The following CNTN5 variants were observed in gnomAD, a reference collection of about 807,000 sequenced individuals.
CNTN5 encodes the protein contactin-5.
CNTN5 carries 77 observed loss-of-function variants against 129.1 expected under a neutral mutation model. The ratio of observed to expected loss-of-function variants is 0.60; its 90% confidence interval spans 0.50 to 0.72. The LOEUF (loss-of-function observed/expected upper bound fraction) is 0.72. Among genes scored for constraint, CNTN5 ranks in the 30% least tolerant of loss-of-function variants. The pLI is 0.00. For missense variants in CNTN5, 1,478 were observed against 1,328.8 expected (o/e 1.11, Z -1.75); for synonymous variants, 509 against 465.6 (o/e 1.09, Z -1.20).
chr11:99,830,516 CTT>C (rs947903476), intron 4 of CNTN5, among the ~76,000 whole-genome samples: 1 of 152,080 alleles, frequency 6.6e-6, no homozygotes, highest in African/African-American at 2.4e-5. Context: ...TCAAAATACT[CTT>C]TGCTGATAAA....
intron 7 of CNTN5, among the ~76,000 whole-genome samples, chr11:99,938,099 A>G (rs57785920): frequency 0.12 from 18,011 of 152,152 alleles, 2,499 homozygotes; most frequent in African/African-American, 0.34. Flanking sequence ...AAAATAAATC[A>G]AAAGGAATTT....
chr11:100,348,046 T>C (rs1310638350), intron 23 of CNTN5, among the ~76,000 whole-genome samples: 1 of 151,288 alleles, frequency 6.6e-6, no homozygotes, highest in Non-Finnish European at 1.5e-5. Flanking sequence ...CCCACTGCTC[T>C]CAGTTTTTTT....
intron 3 of CNTN5, among the ~76,000 whole-genome samples, chr11:99,667,800 G>A (rs2135936711): frequency 6.6e-6 from 1 of 152,192 alleles, no homozygotes; most frequent in Non-Finnish European, 1.5e-5. Flanking sequence ...GTTAGCGGGT[G>A]GCGAGTGAGG....
At chr11:99,950,922 A>G (rs1021300278) in intron 7 of CNTN5, among the ~76,000 whole-genome samples, 4 of 152,224 alleles carry the variant, frequency 2.6e-5, no homozygotes, top group African/African-American at 9.6e-5. Context: ...GACTCTAATC[A>G]GCTGTAATTT....
At chr11:100,103,706 T>C (rs925344104) in intron 13 of CNTN5, among the ~76,000 whole-genome samples, 2 of 152,164 alleles carry the variant, frequency 1.3e-5, no homozygotes, top group African/African-American at 2.4e-5. Flanking sequence ...GAATCTATTC[T>C]AATTACTTAA....
intron 13 of CNTN5, among the ~76,000 whole-genome samples, chr11:100,114,767 A>G (rs897780520): frequency 1.3e-5 from 2 of 152,056 alleles, no homozygotes; most frequent in African/African-American, 2.4e-5. Flanking sequence ...CTCAATTTAC[A>G]TGTCATCTCA....
chr11:99,547,007 T>TG, intron 2 of CNTN5, among the ~76,000 whole-genome samples: 1 of 150,008 alleles, frequency 6.7e-6, no homozygotes, highest in Non-Finnish European at 1.5e-5. Context: ...TATTTTCTTT[T>TG]TTTTTTTTTT....
At chr11:100,044,808 T>C (rs1942581335) in intron 9 of CNTN5, among the ~76,000 whole-genome samples, 2 of 152,136 alleles carry the variant, frequency 1.3e-5, no homozygotes, top group Admixed American at 1.3e-4. Context: ...TTATTTCATT[T>C]CGTTGATCTT....
chr11:100,345,842 T>C (rs576417996), intron 23 of CNTN5, among the ~76,000 whole-genome samples: 5 of 152,248 alleles, frequency 3.3e-5, no homozygotes, highest in African/African-American at 1.2e-4. Context: ...TTTCAAGATA[T>C]CATAGTTTTC....
chr11:99,165,083 G>T (rs887716196), intron 1 of CNTN5, among the ~76,000 whole-genome samples: 15 of 152,064 alleles, frequency 9.9e-5, no homozygotes, highest in Non-Finnish European at 4.4e-5. Context: ...TTATACCAGT[G>T]GTTTAATGAA....
intron 1 of CNTN5, among the ~76,000 whole-genome samples, chr11:99,108,469 AAG>A (rs1857625022): frequency 6.6e-6 from 1 of 152,166 alleles, no homozygotes; most frequent in African/African-American, 2.4e-5. Context: ...TCTGTAACAT[AAG>A]AGAGAGTTAT....
chr11:99,257,555 G>GA (rs201868552), intron 1 of CNTN5, among the ~76,000 whole-genome samples: 6 of 151,526 alleles, frequency 4.0e-5, no homozygotes, highest in Non-Finnish European at 5.9e-5. Context: ...TTTTTTTAAT[G>GA]AAAAAAAGGT....
intron 4 of CNTN5, among the ~76,000 whole-genome samples, chr11:99,838,722 A>G (rs1360639432): frequency 6.6e-6 from 1 of 152,176 alleles, no homozygotes; most frequent in East Asian, 1.9e-4. Context: ...CAAGCCAGGT[A>G]TTTCAGTTCC....
chr11:99,644,731 T>G (rs2135855518), intron 3 of CNTN5, among the ~76,000 whole-genome samples: 1 of 152,290 alleles, frequency 6.6e-6, no homozygotes, highest in Middle Eastern at 3.4e-3. Flanking sequence ...CACTACAAGT[T>G]ATTGATATAT....
chr11:99,307,319 C>A (rs1228430252), intron 1 of CNTN5, among the ~76,000 whole-genome samples: 1 of 151,880 alleles, frequency 6.6e-6, no homozygotes, highest in Admixed American at 6.6e-5. Flanking sequence ...GCTTTTCTTT[C>A]TATTCGTTGG....
At chr11:99,369,565 A>G (rs975727656) in intron 2 of CNTN5, among the ~76,000 whole-genome samples, 3 of 151,934 alleles carry the variant, frequency 2.0e-5, no homozygotes, top group African/African-American at 7.2e-5. Flanking sequence ...TGCCTAATAT[A>G]TTATAAATAT....
intron 24 of CNTN5, among the ~76,000 whole-genome samples, chr11:100,352,085 G>C (rs116080891): frequency 0.019 from 2,874 of 151,584 alleles, 93 homozygotes; most frequent in African/African-American, 0.064. Context: ...TTGTGTCATG[G>C]GGTTTTGTTG....
chr11:99,945,353 C>CAATG (rs1950530620), intron 7 of CNTN5, among the ~76,000 whole-genome samples: 1 of 151,850 alleles, frequency 6.6e-6, no homozygotes, highest in Non-Finnish European at 1.5e-5. Context: ...GTATGACTGT[C>CAATG]CTGCAAAGTC....
intron 13 of CNTN5, among the ~76,000 whole-genome samples, chr11:100,136,919 T>C (rs987339579): frequency 1.3e-5 from 2 of 151,956 alleles, no homozygotes; most frequent in Non-Finnish European, 2.9e-5. Context: ...GTGAACTCCA[T>C]TACCTGCAAG....
Sources: gnomAD v4.1 joint callset for allele counts (sites outside exome capture counted in the v4.1 genomes callset) on GRCh38, gnomAD v4.1.1 for gene constraint, MANE v1.5 for transcripts, NCBI Gene and HGNC (gene_info 2026-07-23, HGNC 2026-07-21) for gene names.